PTK7: variants seen among roughly 807,000 people sequenced by gnomAD.
PTK7 encodes the protein inactive tyrosine-protein kinase 7.
A neutral mutation model predicts 116.6 loss-of-function variants in PTK7; 39 were observed. The observed-to-expected ratio is 0.33, with a 90% CI of 0.26 to 0.44. The LOEUF is 0.44. Ranked by LOEUF, PTK7 falls within the 20% of genes least tolerant of loss-of-function variation. PTK7 has a pLI of 1.00. For missense variants in PTK7, 1,169 were observed against 1,425.6 expected (o/e 0.82, Z 2.90); for synonymous variants, 546 against 563.6 (o/e 0.97, Z 0.44).
At chr6:43,157,696 C>T (rs964544913) in intron 17 of PTK7, among the ~76,000 whole-genome samples, 8 of 151,760 alleles carry the variant, frequency 5.3e-5, no homozygotes, top group Non-Finnish European at 1.0e-4. Context: ...GCCTGGGCAA[C>T]GTAGCTAGAC....
At chr6:43,095,666 G>C (rs997175289) in intron 1 of PTK7, among the ~76,000 whole-genome samples, 1 of 152,134 alleles carries the variant, frequency 6.6e-6, no homozygotes, top group African/African-American at 2.4e-5. Context: ...GAAGAATAAG[G>C]TATTGTATAA....
intron 13 of PTK7, 99 bp downstream of exon 13, chr6:43,142,398 A>G: frequency 6.4e-7 from 1 of 1,569,616 alleles, no homozygotes; most frequent in South Asian, 1.1e-5. Context: ...CACAGAAGCC[A>G]TTTTTGTGGC....
Position 43,139,369 on chromosome 6 carries a change from A to T in PTK7, c.1499-37A>T, listed in dbSNP as rs1367081251. The T allele has an allele frequency of 6.2e-7, 1 of 1,614,064 alleles. No individual in the cohort carries two copies. Among genetic ancestry groups the T allele is most frequent in the East Asian group, 2.2e-5 (1 of 44,878 alleles). ...TGGCCACGGCCTCTCCAGCGGCCCC[A>T]ATTCCTCGTCTTTCTACCCACCCTC... On this transcript the variant is annotated intron_variant, in intron 9 of 19. Transcript: ENST00000230419. The surrounding 1 kb of genome is among the most constrained non-coding windows in gnomAD (Gnocchi z 4.6).
intron 1 of PTK7, among the ~76,000 whole-genome samples, chr6:43,096,031 C>T (rs1767232169): frequency 6.6e-6 from 1 of 152,206 alleles, no homozygotes; most frequent in African/African-American, 2.4e-5. Flanking sequence ...CTAATGCCCT[C>T]CGATTCCATA....
chr6:43,131,029 T>TCACACA (rs3222659), intron 5 of PTK7, among the ~76,000 whole-genome samples: 4,463 of 133,710 alleles, frequency 0.033, 108 homozygotes, highest in South Asian at 0.045. Context: ...GGCAAAGACA[T>TCACACA]CACACACACA....
chr6:43,087,661 C>T (rs965909133), intron 1 of PTK7, among the ~76,000 whole-genome samples: 1 of 152,158 alleles, frequency 6.6e-6, no homozygotes, highest in African/African-American at 2.4e-5. Flanking sequence ...ATGGGCAGGT[C>T]CCATCCTCTT....
intron 15 of PTK7, 199 bp downstream of exon 15, chr6:43,144,805 G>GT: frequency 3.7e-6 from 2 of 533,876 alleles, no homozygotes. Context: ...TCATTCCTGT[G>GT]TACTACCTGT....
At position 43,080,316 on chromosome 6, in the gene PTK7, C is replaced by T. The variant is rs1222129380; in HGVS notation, c.79+3749C>T. On this transcript the variant is annotated intron_variant, in intron 1 of 19. Transcript: ENST00000230419. Reference sequence around the variant, plus strand: ...GCAGTGAGCCGAGATTGCACCACTGCACTCCAGCCTGGGTGTCAGAGCGAG... The same window carrying T: ...GCAGTGAGCCGAGATTGCACCACTGTACTCCAGCCTGGGTGTCAGAGCGAG... Among the ~76,000 whole-genome samples the T allele has an allele frequency of 3.3e-5, 5 of 152,106 alleles. No individual in the cohort carries two copies. In the East Asian group the frequency reaches 9.6e-4, roughly 29 times the overall value.
chr6:43,140,293 A>G (rs1770318160), intron 10 of PTK7, among the ~76,000 whole-genome samples: 1 of 151,984 alleles, frequency 6.6e-6, no homozygotes, highest in Admixed American at 6.6e-5. Flanking sequence ...CTCTACTGAA[A>G]ATACAAAAAA....
chr6:43,118,655 CTCTCTATATATATA>C (rs1252589272), intron 1 of PTK7, among the ~76,000 whole-genome samples: 268 of 70,366 alleles, frequency 3.8e-3, no homozygotes, highest in African/African-American at 0.019. Flanking sequence ...CTCTCTCTCT[CTCTCTATATATATA>C]TATATATATA....
intron 1 of PTK7, chr6:43,077,010 C>G (rs556519713): frequency 1.4e-6 from 2 of 1,432,508 alleles, no homozygotes; most frequent in African/African-American, 2.9e-5. Context: ...GTTTGGGGCC[C>G]GATGCCGGAC....
chr6:43,086,832 G>A (rs1270296687), intron 1 of PTK7, among the ~76,000 whole-genome samples: 1 of 152,076 alleles, frequency 6.6e-6, no homozygotes, highest in Non-Finnish European at 1.5e-5. Context: ...GCACCTGAGC[G>A]AGACCCTATC....
intron 1 of PTK7, among the ~76,000 whole-genome samples, chr6:43,095,097 C>A (rs1436584870): frequency 2.0e-5 from 3 of 148,796 alleles, no homozygotes; most frequent in African/African-American, 7.4e-5. Flanking sequence ...CAGTGGCTCA[C>A]GCCTGTAGTC....
In PTK7 at chr6:43,143,143, G is replaced by A; in HGVS notation, c.2048-274G>A. 2.5e-6 allele frequency: 1 copy of A among 396,090 alleles called. No individual in the cohort carries two copies. The highest frequency in any genetic ancestry group is 4.6e-6 in the Non-Finnish European group (1 of 218,688). The allele number at this position is 396,090 out of a possible 1,614,324, so 24.5% of individuals were successfully genotyped here. A position where few individuals can be genotyped will look rare whatever the true frequency, so the allele number is the denominator to read the frequency against. ...GCTTAACAAATAACGTGGGTTTGTG[G>A]TAGCTCCTTGACAGGTGTGCTTATC... On this transcript the variant is annotated intron_variant, in intron 13 of 19. Transcript: ENST00000230419. The surrounding 1 kb of genome is among the most constrained non-coding windows in gnomAD (Gnocchi z 4.2).
rs373219918 is a variant in PTK7, at chr6:43,144,434, G to C, written c.2252-17G>C. The C allele has an allele frequency of 6.2e-7, 1 of 1,613,932 alleles. No individual in the cohort carries two copies. Among genetic ancestry groups the C allele is most frequent in the Non-Finnish European group, 8.5e-7 (1 of 1,180,028 alleles). ...TGTCAGGTCTCATCGTGACGCTCTT[G>C]TCCTCCTCCTTCCCAGGTGGGCCTT... is the stretch of plus-strand genomic sequence containing the variant. On this transcript the variant is annotated splice_polypyrimidine_tract_variant and intron_variant, in intron 14 of 19. Coordinates refer to ENST00000230419, the MANE Select transcript of PTK7 (RefSeq NM_002821.5).
Position 43,143,754 on chromosome 6 carries a change from C to T in PTK7, c.2251+134C>T. 1.0e-6 allele frequency: 1 copy of T among 969,758 alleles called. No individual in the cohort carries two copies. The highest frequency in any genetic ancestry group is 1.5e-6 in the Non-Finnish European group (1 of 674,548). 60.1% of individuals were successfully genotyped at this position (969,758 alleles called of 1,614,324 possible). On this transcript the variant is annotated intron_variant, in intron 14 of 19. Coordinates refer to ENST00000230419, the MANE Select transcript of PTK7 (RefSeq NM_002821.5). This position sits in a 1 kb window ranked among gnomAD's most constrained non-coding sequence, Gnocchi z 4.2. ...GGGTCCTGGAGCTGGGACTGCCCCA[C>T]CCCTAGCGGGAAGCCTGGAGTTGGA... is the stretch of plus-strand genomic sequence containing the variant.
Position 43,132,710 on chromosome 6 carries a change from T to C in PTK7, c.1228+23T>C, listed in dbSNP as rs1054892486. ...CCAGTGAGCACCTTTGCCCTGAAGG[T>C]CAAGGAGAGGTGGAGGGGAACACAG... is the stretch of plus-strand genomic sequence containing the variant. On this transcript the variant is annotated intron_variant, in intron 7 of 19. Coordinates refer to ENST00000230419, the MANE Select transcript of PTK7 (RefSeq NM_002821.5). The C allele has an allele frequency of 3.2e-6, 5 of 1,553,340 alleles. No individual in the cohort carries two copies. In the African/African-American group the frequency reaches 6.8e-5, roughly 21 times the overall value.
intron 1 of PTK7, among the ~76,000 whole-genome samples, chr6:43,085,366 A>C (rs1170720854): frequency 1.1e-4 from 16 of 152,112 alleles, no homozygotes; most frequent in Non-Finnish European, 2.9e-5. Flanking sequence ...CTCCTCCCTC[A>C]GCCTCCCGAG....
intron 1 of PTK7, among the ~76,000 whole-genome samples, chr6:43,111,002 T>C (rs149607860): frequency 6.6e-6 from 1 of 152,354 alleles, no homozygotes; most frequent in African/African-American, 2.4e-5. Flanking sequence ...TTTGTGTTCC[T>C]TGAGGCCAGA....
Sources: gnomAD v4.1 joint callset for allele counts (sites outside exome capture counted in the v4.1 genomes callset) on GRCh38, gnomAD v4.1.1 for gene constraint, Gnocchi (gnomAD v3.1) non-coding constraint, MANE v1.5 for transcripts, NCBI Gene and HGNC (gene_info 2026-07-23, HGNC 2026-07-21) for gene names.